SLC9B1: variants seen among roughly 807,000 people sequenced by gnomAD.
The protein encoded by SLC9B1 is sodium/hydrogen exchanger 9B1.
A neutral mutation model predicts 51.7 loss-of-function variants in SLC9B1; 32 were observed. The ratio of observed to expected loss-of-function variants is 0.62; its 90% CI spans 0.47 to 0.83. The LOEUF is 0.83. SLC9B1 is among the 40% of genes least tolerant of loss of function. SLC9B1 has a pLI of 0.00. For missense variants in SLC9B1, 406 were observed against 613.2 expected (o/e 0.66, Z 3.57); for synonymous variants, 145 against 212.7 (o/e 0.68, Z 2.77).
chr4:102,927,723 G>T (rs1306542794), intron 7 of SLC9B1, among the ~76,000 whole-genome samples: 1 of 152,150 alleles, frequency 6.6e-6, no homozygotes, highest in East Asian at 1.9e-4. Context: ...TCCCATTACT[G>T]GGTATATACC....
intron 11 of SLC9B1, among the ~76,000 whole-genome samples, chr4:102,886,315 C>A (rs1287625998): frequency 6.6e-6 from 1 of 151,826 alleles, no homozygotes; most frequent in African/African-American, 2.4e-5. Flanking sequence ...GGTGAAACCC[C>A]GTCTCTACTA....
chr4:103,005,001 T>C (rs929163919), intron 1 of SLC9B1, among the ~76,000 whole-genome samples: 2 of 152,054 alleles, frequency 1.3e-5, no homozygotes, highest in African/African-American at 4.8e-5. Flanking sequence ...ACATAGACCA[T>C]TGACACTATA....
chr4:102,908,340 G>A (rs1327573951), intron 9 of SLC9B1, among the ~76,000 whole-genome samples: 3 of 152,044 alleles, frequency 2.0e-5, no homozygotes, highest in Admixed American at 6.5e-5. Flanking sequence ...TCACATGCAA[G>A]TACATATGTG....
intron 7 of SLC9B1, 90 bp from the exon 8 acceptor site, chr4:102,911,627 G>A (rs1165609764): frequency 2.7e-6 from 2 of 750,436 alleles, no homozygotes; most frequent in African/African-American, 1.8e-5. Flanking sequence ...GGTTCATGAA[G>A]AAAAGTAAGC....
intron 6 of SLC9B1, among the ~76,000 whole-genome samples, chr4:102,935,441 T>C (rs1183812005): frequency 6.6e-6 from 1 of 152,214 alleles, no homozygotes; most frequent in East Asian, 1.9e-4. Flanking sequence ...TGGCAGTGTA[T>C]ATCAAACTAA....
At chr4:102,990,675 G>GGT (rs1425109493) in intron 2 of SLC9B1, among the ~76,000 whole-genome samples, 1 of 151,830 alleles carries the variant, frequency 6.6e-6, no homozygotes, top group African/African-American at 2.4e-5. Flanking sequence ...TGGGTGTGGG[G>GGT]GTGTGTGTGC....
chr4:102,974,239 ATTG>A (rs377117695), intron 3 of SLC9B1, among the ~76,000 whole-genome samples: 21 of 120,978 alleles, frequency 1.7e-4, no homozygotes, highest in Middle Eastern at 4.7e-3. Flanking sequence ...TCTGTCTAAA[ATTG>A]AAAAAAAAAA....
chr4:102,903,321 AT>A (rs1483067549), intron 11 of SLC9B1, among the ~76,000 whole-genome samples: 2 of 152,228 alleles, frequency 1.3e-5, no homozygotes, highest in African/African-American at 2.4e-5. Flanking sequence ...ATAAAAAGTT[AT>A]TATTTATATT....
chr4:102,922,664 C>G (rs551648671), intron 7 of SLC9B1, among the ~76,000 whole-genome samples: 2 of 151,442 alleles, frequency 1.3e-5, no homozygotes, highest in African/African-American at 2.4e-5. Flanking sequence ...TGCTAGCAAG[C>G]CTAATAAAGA....
intron 3 of SLC9B1, among the ~76,000 whole-genome samples, chr4:102,968,630 AT>A (rs987565850): frequency 3.3e-5 from 5 of 152,198 alleles, no homozygotes; most frequent in Non-Finnish European, 2.9e-5. Context: ...AAGACAGGTG[AT>A]TTCTGCATTT....
At chr4:102,955,843 GAGAAAGAAAGAAAGAAAGAAAGAA>G (rs56088004) in intron 3 of SLC9B1, among the ~76,000 whole-genome samples, 2 of 106,754 alleles carry the variant, frequency 1.9e-5, no homozygotes, top group African/African-American at 3.6e-5. Flanking sequence ...GAAAGAGAGA[GAGAAAGAAAGAAAGAAAGAAAGAA>G]AGAAAGAAAG....
At chr4:102,898,474 C>A (rs1277939597), downstream of SLC9B1, among the ~76,000 whole-genome samples, 1 of 152,108 alleles carries the variant, frequency 6.6e-6, no homozygotes, top group Non-Finnish European at 1.5e-5. Context: ...TATAAAAATG[C>A]TGCAATGCTT....
At position 102,986,427 on chromosome 4, in the gene SLC9B1, G is replaced by T. The variant is rs191491059; in HGVS notation, c.211+3373C>A. 2.2e-4 allele frequency among the ~76,000 whole-genome samples: 34 copies of T among 152,192 alleles called. No homozygotes were observed. The East Asian group carries it at 6.4e-3, about 29-fold the overall frequency. ...TTTATCTTTGACTTTTCTGAAGTTTGAATATGATATGGCTAGGTGTAGTCT... is the reference window on the plus strand; with the variant it reads ...TTTATCTTTGACTTTTCTGAAGTTTTAATATGATATGGCTAGGTGTAGTCT... On this transcript the variant is annotated intron_variant, in intron 3 of 11. Coordinates refer to ENST00000296422, the MANE Select transcript of SLC9B1 (RefSeq NM_139173.4).
At chr4:103,016,366 C>T (rs1049748053) in intron 1 of SLC9B1, among the ~76,000 whole-genome samples, 2 of 151,938 alleles carry the variant, frequency 1.3e-5, no homozygotes, top group African/African-American at 2.4e-5. Context: ...TTTGACCATA[C>T]ATATTTCTCT....
At position 102,973,398 on chromosome 4, in the gene SLC9B1, A is replaced by G. The variant is rs182448247; in HGVS notation, c.211+16402T>C. ...AAGTAACAATTCAACCTTAAAATAT[A>G]TGAAGCACAAATTGACAGAATTACA... On this transcript the variant is annotated intron_variant, in intron 3 of 11. Coordinates refer to ENST00000296422, the MANE Select transcript of SLC9B1 (RefSeq NM_139173.4). Among the ~76,000 whole-genome samples, 349 of 152,304 alleles carry G rather than the reference A, an allele frequency of 2.3e-3. 2 individuals carry two copies. Among genetic ancestry groups the G allele is most frequent in the African/African-American group, 7.9e-3 (327 of 41,586 alleles).
At chr4:103,003,415 CT>C (rs1250919307) in intron 1 of SLC9B1, among the ~76,000 whole-genome samples, 1 of 152,130 alleles carries the variant, frequency 6.6e-6, no homozygotes, top group African/African-American at 2.4e-5. Flanking sequence ...TGCCCTCTTC[CT>C]TCTTTACCTG....
At chr4:102,903,450 A>G (rs895889253) in intron 11 of SLC9B1, among the ~76,000 whole-genome samples, 1 of 152,246 alleles carries the variant, frequency 6.6e-6, no homozygotes, top group Non-Finnish European at 1.5e-5. Flanking sequence ...GCTAAGAAAC[A>G]GATACAGTCA....
In SLC9B1 at chr4:102,946,067, T is replaced by C. The variant is rs74856237; in HGVS notation, c.525+580A>G. On this transcript the variant is annotated intron_variant, in intron 5 of 11. Coordinates refer to ENST00000296422, the MANE Select transcript of SLC9B1 (RefSeq NM_139173.4). ...CTCCCTAAAAAAAGAAAAAGACTTTTATAAGGTTTTTCTTATCCTATGTTA... is the reference window on the plus strand; with the variant it reads ...CTCCCTAAAAAAAGAAAAAGACTTTCATAAGGTTTTTCTTATCCTATGTTA... 3.5e-4 allele frequency among the ~76,000 whole-genome samples: 53 copies of C among 152,326 alleles called. 1 individual carries two copies. In the East Asian group the frequency reaches 0.01, roughly 29 times the overall value.
At chr4:102,995,316 A>ATGT (rs1740158264) in intron 1 of SLC9B1, among the ~76,000 whole-genome samples, 3 of 152,210 alleles carry the variant, frequency 2.0e-5, no homozygotes, top group African/African-American at 7.2e-5. Flanking sequence ...ATAAATGAGG[A>ATGT]TCATATTATA....
Sources: gnomAD v4.1 joint callset for allele counts (sites outside exome capture counted in the v4.1 genomes callset) on GRCh38, gnomAD v4.1.1 for gene constraint, MANE v1.5 for transcripts, NCBI Gene and HGNC (gene_info 2026-07-23, HGNC 2026-07-21) for gene names.